The following ERBB2 variants were observed in gnomAD, a reference collection of about 807,000 sequenced individuals.
The protein encoded by ERBB2 is receptor tyrosine-protein kinase erbB-2.
Under a neutral mutation model 149.0 loss-of-function variants are expected in ERBB2, and 61 were observed. The observed-to-expected ratio is 0.41, with a 90% CI of 0.33 to 0.51. The LOEUF (loss-of-function observed/expected upper bound fraction) is 0.51, where lower values mean the gene tolerates loss of function less well. Among genes scored for constraint, ERBB2 ranks in the 20% least tolerant of loss-of-function variants. The pLI, the probability that ERBB2 is intolerant of heterozygous loss-of-function variation, is 0.25. For synonymous variants in ERBB2, 633 were observed against 678.8 expected (o/e 0.93, Z 1.05); for missense variants, 1,205 against 1,655.1 (o/e 0.73, Z 4.72).
intron 6 of ERBB2, 29 bp from the exon 7 acceptor site, chr17:39,710,311 C>G (rs1169233043): frequency 6.2e-7 from 1 of 1,613,972 alleles, no homozygotes; most frequent in Non-Finnish European, 8.5e-7. Flanking sequence ...CAAAACAGCA[C>G]AGTGAAAGCC....
At chr17:39,689,602 C>G (rs1295391808) in intron 2 of ERBB2, among the ~76,000 whole-genome samples, 1 of 152,088 alleles carries the variant, frequency 6.6e-6, no homozygotes, top group Non-Finnish European at 1.5e-5. Flanking sequence ...GGGAGTCTCC[C>G]CTTTAGAAAA....
intron 4 of ERBB2, 143 bp from the exon 5 acceptor site, chr17:39,709,670 G>T: frequency 1.1e-6 from 1 of 945,646 alleles, no homozygotes; most frequent in Admixed American, 2.1e-5. Flanking sequence ...CTGGTTTGGG[G>T]GCCTCTCAGC....
chr17:39,699,114 C>T (rs1442757630), upstream of ERBB2, among the ~76,000 whole-genome samples: 1 of 152,066 alleles, frequency 6.6e-6, no homozygotes, highest in African/African-American at 2.4e-5. Flanking sequence ...GCATTGGGTG[C>T]TGGGTGCCTC....
chr17:39,694,255 A>ATGTG (rs2057795331), upstream of ERBB2, among the ~76,000 whole-genome samples: 14 of 28,256 alleles, frequency 5.0e-4, no homozygotes, highest in Non-Finnish European at 8.3e-4. Flanking sequence ...ATATATATAT[A>ATGTG]TATATATATA....
chr17:39,716,458 G>A (rs2145682660), intron 13 of ERBB2, 25 bp downstream of exon 13: 2 of 1,612,948 alleles, frequency 1.2e-6, no homozygotes, highest in Non-Finnish European at 1.7e-6. Flanking sequence ...GGAGAGGGTG[G>A]CTGGAGGGGT....
At chr17:39,710,050 C>T (rs372694626) in intron 5 of ERBB2, 36 bp from the exon 6 acceptor site, 45 of 1,562,244 alleles carry the variant, frequency 2.9e-5, no homozygotes, top group East Asian at 1.6e-4. Context: ...GTGCCCAGGG[C>T]GCCACTCAGC....
upstream of ERBB2, among the ~76,000 whole-genome samples, chr17:39,694,314 T>C (rs1334758798): frequency 9.7e-6 from 1 of 102,734 alleles, no homozygotes. Flanking sequence ...TATATATATA[T>C]ACACACACAC....
chr17:39,706,258 C>T (rs1422056561), intron 1 of ERBB2, among the ~76,000 whole-genome samples: 1 of 152,234 alleles, frequency 6.6e-6, no homozygotes, highest in Non-Finnish European at 1.5e-5. Flanking sequence ...GTTCTGGAGT[C>T]TTGCCCTGAG....
upstream of ERBB2, among the ~76,000 whole-genome samples, chr17:39,698,696 C>G (rs2057933437): frequency 6.6e-6 from 1 of 152,022 alleles, no homozygotes; most frequent in Non-Finnish European, 1.5e-5. Context: ...TTTAGAAATG[C>G]AAGTGTATAC....
At chr17:39,716,276 T>G in intron 12 of ERBB2, 25 bp from the exon 13 acceptor site, 1 of 1,553,674 alleles carries the variant, frequency 6.4e-7, no homozygotes, top group Non-Finnish European at 8.7e-7. Flanking sequence ...AAAAGTCCCC[T>G]GCGGTCCCTT....
intron 14 of ERBB2, 75 bp from the exon 15 acceptor site, chr17:39,717,245 C>A (rs1453694416): frequency 5.7e-5 from 74 of 1,292,424 alleles, no homozygotes; most frequent in Non-Finnish European, 7.4e-5. Flanking sequence ...CAAAGGGGAC[C>A]CAACTAAGGG....
intron 2 of ERBB2, among the ~76,000 whole-genome samples, chr17:39,689,759 G>T (rs2057651101): frequency 6.6e-6 from 1 of 152,110 alleles, no homozygotes; most frequent in Non-Finnish European, 1.5e-5. Flanking sequence ...TACAAAATTA[G>T]TTGGGTGTGG....
chr17:39,721,326 C>T (rs1341748067), intron 16 of ERBB2, among the ~76,000 whole-genome samples: 1 of 141,712 alleles, frequency 7.1e-6, no homozygotes, highest in Admixed American at 7.7e-5. Context: ...AGTGCAATGA[C>T]ACGATCTTGG....
Position 39,725,863 on chromosome 17 carries a change from T to C in ERBB2, c.2872+10T>C, listed in dbSNP as rs1434404836. The C allele has an allele frequency of 6.2e-7, 1 of 1,612,530 alleles. No individual in the cohort carries two copies. Among genetic ancestry groups the C allele is most frequent in the Non-Finnish European group, 8.5e-7 (1 of 1,179,390 alleles). ...ATGATCATGGTCAAATGTGCGTGGC[T>C]GAGCTGTGCTGGCTGCCTGGAGGAG... On this transcript the variant is annotated intron_variant, in intron 23 of 26. Transcript: ENST00000269571. This position sits in a 1 kb window ranked among gnomAD's most constrained non-coding sequence, Gnocchi z 4.6.
upstream of ERBB2, chr17:39,699,606 C>G (rs555345912): frequency 3.6e-5 from 49 of 1,342,540 alleles, no homozygotes; most frequent in South Asian, 5.5e-4. Context: ...AACACATCCC[C>G]CTCCTTGACT....
upstream of ERBB2, among the ~76,000 whole-genome samples, chr17:39,699,066 G>A (rs1022847770): frequency 6.6e-6 from 1 of 152,134 alleles, no homozygotes; most frequent in Non-Finnish European, 1.5e-5. Flanking sequence ...AATTAAGCAG[G>A]CTAATAGAAG....
chr17:39,690,074 A>G (rs951447843), upstream of ERBB2, among the ~76,000 whole-genome samples: 1 of 152,084 alleles, frequency 6.6e-6, no homozygotes, highest in Non-Finnish European at 1.5e-5. Context: ...CTACATTTAT[A>G]TACATTTAGT....
Position 39,710,384 on chromosome 17 carries a change from C to G in ERBB2, c.804C>G (p.Cys268Trp), listed in dbSNP as rs2145519570. Reference sequence around the variant, plus strand: ...ACAGTGGCATCTGTGAGCTGCACTGCCCAGCCCTGGTCACCTACAACACAG... The same window carrying G: ...ACAGTGGCATCTGTGAGCTGCACTGGCCAGCCCTGGTCACCTACAACACAG... ...FNHSGICELH[C>W]PALVTYNTDT... is the part of the protein sequence containing the mutation. The change falls in exon 7 of 27, where the codon TGC (cysteine) becomes TGG (tryptophan). Residue 268 changes from cysteine to tryptophan, a missense_variant. By Grantham distance (215) the Cys-to-Trp change is radical (BLOSUM62 -2). Transcript: ENST00000269571. The G allele has an allele frequency of 6.2e-7, 1 of 1,614,182 alleles. No homozygotes were observed. The highest frequency in any genetic ancestry group is 8.5e-7 in the Non-Finnish European group (1 of 1,180,030).
At chr17:39,709,174 C>A in intron 3 of ERBB2, 144 bp from the exon 4 acceptor site, 1 of 909,970 alleles carries the variant, frequency 1.1e-6, no homozygotes, top group Non-Finnish European at 1.7e-6. Context: ...GACTCAAAGA[C>A]GGTAAAGATA....
Sources: allele counts gnomAD v4.1 joint callset (sites outside exome capture counted in the v4.1 genomes callset), GRCh38; gene constraint gnomAD v4.1.1; non-coding constraint Gnocchi (gnomAD v3.1); transcripts MANE v1.5; gene names NCBI Gene and HGNC (gene_info 2026-07-23, HGNC 2026-07-21).